DNAH17: variants seen among roughly 807,000 people sequenced by gnomAD.
DNAH17 encodes dynein axonemal heavy chain 17, also known as axonemal beta dynein heavy chain 17.
A neutral mutation model predicts 485.6 loss-of-function variants in DNAH17; 376 were observed. That is an observed-to-expected ratio of 0.77 (90% CI 0.71 to 0.84). DNAH17 has a LOEUF of 0.84. DNAH17 is among the 40% of genes least tolerant of loss of function. The pLI is 0.00. For missense variants in DNAH17, 6,370 were observed against 5,839.3 expected (o/e 1.09, Z -2.96); for synonymous variants, 3,031 against 2,405.9 (o/e 1.26, Z -7.60).
Position 78,529,621 on chromosome 17 carries a change from C to T in DNAH17, c.3358G>A (p.Asp1120Asn). 4 of 1,614,002 alleles carry T rather than the reference C, an allele frequency of 2.5e-6. No homozygotes were observed. Among genetic ancestry groups the T allele is most frequent in the Non-Finnish European group, 2.5e-6 (3 of 1,179,882 alleles). The change falls in exon 22 of 81, where the codon GAT becomes AAT. Residue 1120 changes from aspartate (D) to asparagine (N), a missense_variant. Coordinates refer to ENST00000389840, the MANE Select transcript of DNAH17 (RefSeq NM_173628.4). ...TGCCCCATCACCTCCACAAGCCCAT[C>T]ATAGTCCCCCTCCTTGAGGGGCTTG... ...LTKPLKEGDY[D>N]GLVEVMGHLM...
intron 56 of DNAH17, among the ~76,000 whole-genome samples, chr17:78,465,245 A>C (rs2088364833): frequency 6.6e-6 from 1 of 152,156 alleles, no homozygotes; most frequent in Admixed American, 6.5e-5. Flanking sequence ...AATGGTGCCC[A>C]GGCTGGAGTG....
At chr17:78,572,520 T>A (rs1452100701) in intron 3 of DNAH17, among the ~76,000 whole-genome samples, 181 bp downstream of exon 3, 1 of 151,908 alleles carries the variant, frequency 6.6e-6, no homozygotes, top group African/African-American at 2.4e-5. Flanking sequence ...TGGTTTCAAC[T>A]TCCTCAGTCT....
At chr17:78,519,861 G>T (rs1367146691) in intron 25 of DNAH17, among the ~76,000 whole-genome samples, 1 of 152,218 alleles carries the variant, frequency 6.6e-6, no homozygotes, top group African/African-American at 2.4e-5. Context: ...TGTAATCCCA[G>T]CACTTTGGGA....
rs773086587 is a variant in DNAH17 at position 78,425,490 on chromosome 17, T to C, written c.12997A>G (p.Thr4333Ala). The C allele has an allele frequency of 1.2e-6, 2 of 1,613,766 alleles. No homozygotes were observed. The highest frequency in any genetic ancestry group is 8.5e-7 in the Non-Finnish European group (1 of 1,179,876). ...CTGGCCATGGACTGCATGATGGCCGTGAGGAACGACTGGGGGTTGAAGAAG... is the reference window on the plus strand; with the variant it reads ...CTGGCCATGGACTGCATGATGGCCGCGAGGAACGACTGGGGGTTGAAGAAG... Reference protein sequence around the residue: ...AGFFNPQSFLTAIMQSMARKN... With the variant: ...AGFFNPQSFLAAIMQSMARKN... Residue 4333 changes from threonine (T) to alanine (A), a missense_variant, in exon 80 of 81, where the codon ACG becomes GCG. Transcript: ENST00000389840.
intron 37 of DNAH17, chr17:78,496,866 GT>G (rs1290648134): frequency 6.6e-6 from 1 of 151,572 alleles, no homozygotes; most frequent in Non-Finnish European, 1.5e-5. Flanking sequence ...TAGAGACAGG[GT>G]TTCACCATGC....
At chr17:78,561,494 G>T (rs1472964738) in intron 12 of DNAH17, among the ~76,000 whole-genome samples, 2 of 152,138 alleles carry the variant, frequency 1.3e-5, no homozygotes, top group South Asian at 4.1e-4. Context: ...CCAGGCTGGT[G>T]GGCAAGGGTG....
chr17:78,426,825 C>A, intron 78 of DNAH17, 101 bp downstream of exon 78: 1 of 1,423,028 alleles, frequency 7.0e-7, no homozygotes. Flanking sequence ...CAGTACCATG[C>A]TGATCCGGGG....
rs764849229 is a variant in DNAH17, at chr17:78,570,110, G to A, written c.1044+137C>T. ...TGAAGAGGGCTCCATCTCAGCTCGGGGCCTGAAAAGGCTTGTGCTGACATC... is the reference window on the plus strand; with the variant it reads ...TGAAGAGGGCTCCATCTCAGCTCGGAGCCTGAAAAGGCTTGTGCTGACATC... On this transcript the variant is annotated intron_variant, in intron 7 of 80. Coordinates refer to ENST00000389840, the MANE Select transcript of DNAH17 (RefSeq NM_173628.4). 6.1e-6 allele frequency: 6 copies of A among 988,932 alleles called. No individual in the cohort carries two copies. The African/African-American group carries it at 8.2e-5, about 13-fold the overall frequency. The allele number at this position is 988,932 out of a possible 1,614,324, so 61.3% of individuals were successfully genotyped here.
chr17:78,484,730 C>G, intron 48 of DNAH17, 138 bp downstream of exon 48: 1 of 430,242 alleles, frequency 2.3e-6, no homozygotes. Context: ...TCCCTACCCA[C>G]GTTGCAGCAC....
Position 78,486,304 on chromosome 17 carries a change from C to T in DNAH17, c.7021G>A (p.Asp2341Asn), listed in dbSNP as rs371184538. 59 of 1,612,842 alleles carry T rather than the reference C, an allele frequency of 3.7e-5. 1 individual carries two copies. The highest frequency in any genetic ancestry group is 3.0e-4 in the South Asian group (27 of 90,998). The change falls in exon 45 of 81, where the codon GAC becomes AAC. Residue 2341 changes from aspartate (D) to asparagine (N), a missense_variant. By Grantham distance (23) the Asp-to-Asn change is conservative (BLOSUM62 1). Coordinates refer to ENST00000389840, the MANE Select transcript of DNAH17 (RefSeq NM_173628.4). ...AGCTCGTACAGCTCCCTGGGGGAGT[C>T]GGGGGGCACGGTCTTCTCCGTGAGC... ...CLLTEKTVPP[D>N]SPRELYELYF...
chr17:78,461,426 C>T (rs2088120624), intron 58 of DNAH17, 118 bp downstream of exon 58: 1 of 1,116,912 alleles, frequency 9.0e-7, no homozygotes, highest in Non-Finnish European at 1.2e-6. Flanking sequence ...CCTTGTCCTT[C>T]TATGTAAGTC....
intron 44 of DNAH17, 76 bp downstream of exon 44, chr17:78,490,623 T>A: frequency 6.6e-7 from 1 of 1,506,380 alleles, no homozygotes; most frequent in Non-Finnish European, 8.9e-7. Flanking sequence ...TGAATGAATA[T>A]GCAACTCTGA....
rs372418968 is a variant in DNAH17 at position 78,472,795 on chromosome 17, G to T, written c.8511+2483C>A. 10 of 452,126 alleles carry T rather than the reference G, an allele frequency of 2.2e-5. No individual in the cohort carries two copies. The East Asian group carries it at 5.0e-4, about 23-fold the overall frequency. 28.0% of individuals were successfully genotyped at this position (452,126 alleles called of 1,614,324 possible). ...TTCTCGTCGCACCTGCCCACTTTCA[G>T]CCTTTGTGGGGTCACAGAGCTTGTG... On this transcript the variant is annotated intron_variant, in intron 54 of 80. Coordinates refer to ENST00000389840, the MANE Select transcript of DNAH17 (RefSeq NM_173628.4).
rs2087490488 is a variant in DNAH17 at position 78,450,283 on chromosome 17, T to C, written c.11011A>G (p.Ile3671Val). 1 of 1,613,900 alleles carries C rather than the reference T, an allele frequency of 6.2e-7. No individual in the cohort carries two copies. The highest frequency in any genetic ancestry group is 8.5e-7 in the Non-Finnish European group (1 of 1,179,858). Residue 3671 changes from isoleucine (I) to valine (V), a missense_variant, in exon 68 of 81, where the codon ATC (isoleucine) becomes GTC (valine). Ile to Val is a conservative substitution (Grantham distance 29). Coordinates refer to ENST00000389840, the MANE Select transcript of DNAH17 (RefSeq NM_173628.4). Reference sequence around the variant, plus strand: ...AGGGAGAACTGGTAGACGGGGTTGATTTTGTTGAGATCGTTCAGTATGAAG... The same window carrying C: ...AGGGAGAACTGGTAGACGGGGTTGACTTTGTTGAGATCGTTCAGTATGAAG... ...LYFILNDLNKINPVYQFSLKA... is the reference protein window; with the variant it reads ...LYFILNDLNKVNPVYQFSLKA...
chr17:78,513,103 C>G (rs547942655), intron 26 of DNAH17, among the ~76,000 whole-genome samples: 1 of 151,880 alleles, frequency 6.6e-6, no homozygotes, highest in African/African-American at 2.4e-5. Context: ...TTGAATGAAC[C>G]CCCCCTCTGC....
At position 78,530,391 on chromosome 17, in the gene DNAH17, C is replaced by A; in HGVS notation, c.3236G>T (p.Arg1079Leu). Residue 1079 changes from arginine to leucine, a missense_variant, in exon 21 of 81, where the codon CGC (arginine) becomes CTC (leucine). By Grantham distance (102) the Arg-to-Leu change is moderately radical. Coordinates refer to ENST00000389840, the MANE Select transcript of DNAH17 (RefSeq NM_173628.4). ...FKQALLSTIR[R>L]WGFMFKRHLS... ...GTGCCGCTTGAACATGAAGCCCCAGCGCCGGATTGTGCTGAGCAGGGCCTG... is the reference window on the plus strand; with the variant it reads ...GTGCCGCTTGAACATGAAGCCCCAGAGCCGGATTGTGCTGAGCAGGGCCTG... The A allele has an allele frequency of 6.2e-7, 1 of 1,613,334 alleles. No individual in the cohort carries two copies. The highest frequency in any genetic ancestry group is 1.3e-5 in the African/African-American group (1 of 75,056).
chr17:78,442,871 A>T (rs2087127708), intron 71 of DNAH17, among the ~76,000 whole-genome samples: 1 of 152,220 alleles, frequency 6.6e-6, no homozygotes, highest in Admixed American at 6.5e-5. Flanking sequence ...CGCGGCTGTC[A>T]GTGCTTGCAA....
intron 11 of DNAH17, among the ~76,000 whole-genome samples, chr17:78,563,141 C>T (rs954073039): frequency 1.5e-4 from 23 of 152,146 alleles, no homozygotes; most frequent in African/African-American, 5.1e-4. Context: ...TGCAAGATTG[C>T]GGCTATTTTT....
chr17:78,570,509 C>T (rs2092336460), intron 6 of DNAH17, 137 bp from the exon 7 acceptor site: 4 of 1,152,376 alleles, frequency 3.5e-6, no homozygotes, highest in East Asian at 2.7e-5. Flanking sequence ...GAGGCAACTC[C>T]CTAGGCCCAC....
Sources: allele counts gnomAD v4.1 joint callset (sites outside exome capture counted in the v4.1 genomes callset), GRCh38; gene constraint gnomAD v4.1.1; transcripts MANE v1.5; gene names NCBI Gene and HGNC (gene_info 2026-07-23, HGNC 2026-07-21).